Variants in GPR161 observed in about 807,000 individuals in gnomAD.
GPR161 encodes the protein G-protein coupled receptor RE2.
A neutral mutation model predicts 39.2 loss-of-function variants in GPR161; 25 were observed. That is an observed-to-expected ratio of 0.64 (90% CI 0.47 to 0.89). The LOEUF (loss-of-function observed/expected upper bound fraction) is 0.89, where lower values mean the gene tolerates loss of function less well. GPR161 is among the 40% of genes least tolerant of loss of function. The probability of loss-of-function intolerance (pLI) is 0.00; values close to 1 mark genes in which losing one functional copy is unlikely to be tolerated. For synonymous variants in GPR161, 286 were observed against 276.6 expected, an observed-to-expected ratio of 1.03 and a Z score of -0.34; for missense variants, 547 against 677.8, an observed-to-expected ratio of 0.81 and a Z score of 2.14.
intron 1 of GPR161, among the ~76,000 whole-genome samples, chr1:168,135,772 G>A (rs1377606737): frequency 3.3e-5 from 5 of 152,190 alleles, no homozygotes; most frequent in African/African-American, 1.2e-4. Flanking sequence ...GGTTATCGGT[G>A]TCTCCATTGG....
chr1:168,116,936 C>G (rs1478213601), intron 1 of GPR161, among the ~76,000 whole-genome samples: 1 of 152,188 alleles, frequency 6.6e-6, no homozygotes, highest in Admixed American at 6.5e-5. Context: ...GTCAGAACCC[C>G]AGATGGCCTA....
At position 168,085,711 on chromosome 1, in the gene GPR161, A is replaced by G. The variant is rs148708325; in HGVS notation, c.1410T>C (p.Ile470=). 198 of 1,614,224 alleles carry G rather than the reference A, an allele frequency of 1.2e-4. 1 individual carries two copies. The highest frequency in any genetic ancestry group is 3.1e-4 in the South Asian group (28 of 91,092). Residue 470 remains isoleucine, a synonymous_variant, in exon 6 of 6, where the codon ATT becomes ATC. Transcript: ENST00000682931. ...ATAAGTTGATTTTGGCTTCGGCCTC[A>G]ATGGCTTTGGCCAAGCTTGCTGCGT... The part of the protein sequence containing the change: ...DSYAASLAKA[I]EAEAKINLFG...
intron 1 of GPR161, among the ~76,000 whole-genome samples, chr1:168,122,960 T>C (rs1698300628): frequency 6.6e-6 from 1 of 152,216 alleles, no homozygotes. Flanking sequence ...GCCTGGCACA[T>C]TGTAGATGTT....
rs768889642 is a variant in GPR161 at position 168,097,180 on chromosome 1, G to A, written c.427C>T (p.Arg143Trp). 1.1e-5 allele frequency: 18 copies of A among 1,613,680 alleles called. No individual in the cohort carries two copies. The highest frequency in any genetic ancestry group is 2.2e-5 in the South Asian group (2 of 91,050). Residue 143 changes from arginine to tryptophan, a missense_variant, in exon 3 of 6, where the codon CGG becomes TGG. Coordinates refer to ENST00000682931, the MANE Select transcript of GPR161 (RefSeq NM_001375883.1). ...ATGTAGACAAGTGCCATCACAGCCC[G>A]GTTCCCTGTGATCTTCATGGGGTAC... The part of the protein sequence containing the change: ...MVYPMKITGN[R>W]AVMALVYIWL...
chr1:168,110,480 CAG>C (rs1269259920), intron 1 of GPR161, among the ~76,000 whole-genome samples: 24 of 121,924 alleles, frequency 2.0e-4, no homozygotes, highest in African/African-American at 7.2e-4. Context: ...GCCTAGACGA[CAG>C]AGTGAGACCC....
At chr1:168,131,402 TG>T (rs777763176) in intron 1 of GPR161, among the ~76,000 whole-genome samples, 306 of 152,272 alleles carry the variant, frequency 2.0e-3, no homozygotes, top group Admixed American at 4.0e-3. Flanking sequence ...CTCAACTCTG[TG>T]GCTCTGTACA....
At chr1:168,100,894 C>T (rs1696032419) in intron 2 of GPR161, among the ~76,000 whole-genome samples, 1 of 152,194 alleles carries the variant, frequency 6.6e-6, no homozygotes, top group African/African-American at 2.4e-5. Flanking sequence ...ATAGAGGTGA[C>T]CACCATTACA....
chr1:168,127,533 C>A (rs1490121994), intron 1 of GPR161, among the ~76,000 whole-genome samples: 1 of 151,822 alleles, frequency 6.6e-6, no homozygotes, highest in Non-Finnish European at 1.5e-5. Context: ...CATTCAACTA[C>A]TGTATTAGTC....
intron 1 of GPR161, among the ~76,000 whole-genome samples, chr1:168,110,543 A>G (rs200876033): frequency 2.9e-4 from 3 of 10,268 alleles, no homozygotes; most frequent in African/African-American, 8.6e-4. Context: ...GAAAGGAAAG[A>G]AAAGAAAAGA....
chr1:168,127,999 T>G (rs1013376517), intron 1 of GPR161, among the ~76,000 whole-genome samples: 2 of 152,130 alleles, frequency 1.3e-5, no homozygotes, highest in African/African-American at 4.8e-5. Flanking sequence ...CTCCCAGAAC[T>G]GAGCTGCTGC....
At position 168,132,310 on chromosome 1, in the gene GPR161, G is replaced by A. The variant is rs566749526; in HGVS notation, c.-45+4429C>T. On this transcript the variant is annotated intron_variant, in intron 1 of 5. Transcript: ENST00000682931. ...ACTGATATGAAATGGTCTCCAAGCCGGGCGCTGTGGCTCTCGCCTGTAATC... is the reference window on the plus strand; with the variant it reads ...ACTGATATGAAATGGTCTCCAAGCCAGGCGCTGTGGCTCTCGCCTGTAATC... 8.6e-5 allele frequency among the ~76,000 whole-genome samples: 13 copies of A among 151,152 alleles called. No individual in the cohort carries two copies. In the South Asian group the frequency reaches 1.0e-3, roughly 12 times the overall value.
chr1:168,128,302 T>C (rs1197765628), intron 1 of GPR161, among the ~76,000 whole-genome samples: 1 of 152,192 alleles, frequency 6.6e-6, no homozygotes, highest in African/African-American at 2.4e-5. Flanking sequence ...ACATCACTGA[T>C]TCTCAATCCC....
chr1:168,115,254 A>C (rs1697527052), intron 1 of GPR161, among the ~76,000 whole-genome samples: 1 of 152,064 alleles, frequency 6.6e-6, no homozygotes, highest in Admixed American at 6.5e-5. Context: ...TCCTTCCCTC[A>C]CACTAATTTT....
chr1:168,124,097 G>A (rs915565390), intron 1 of GPR161, among the ~76,000 whole-genome samples: 1 of 152,174 alleles, frequency 6.6e-6, no homozygotes, highest in Non-Finnish European at 1.5e-5. Context: ...GTGCCACCAC[G>A]TCTTCATCTG....
intron 1 of GPR161, among the ~76,000 whole-genome samples, chr1:168,123,457 C>T (rs1474839560): frequency 6.6e-6 from 1 of 151,416 alleles, no homozygotes; most frequent in Non-Finnish European, 1.5e-5. Flanking sequence ...GACCCTGTCT[C>T]AAAAAATTAT....
chr1:168,123,664 A>T (rs1455457280), intron 1 of GPR161, among the ~76,000 whole-genome samples: 2 of 152,180 alleles, frequency 1.3e-5, no homozygotes, highest in East Asian at 3.9e-4. Flanking sequence ...AAAGGGACAG[A>T]CTCAGCTGTG....
intron 2 of GPR161, among the ~76,000 whole-genome samples, chr1:168,103,875 C>T (rs528814677): frequency 1.3e-5 from 2 of 152,350 alleles, no homozygotes; most frequent in Admixed American, 1.3e-4. Flanking sequence ...TAATGCGGGA[C>T]CCTGAAGAAC....
chr1:168,137,164 C>G (rs1390476695), upstream of GPR161: 3 of 1,330,488 alleles, frequency 2.3e-6, no homozygotes, highest in Middle Eastern at 2.3e-4. Flanking sequence ...CTCGCCCTTA[C>G]CCTCTCGGCT....
At chr1:168,117,398 C>T (rs1168018132) in intron 1 of GPR161, among the ~76,000 whole-genome samples, 1 of 152,120 alleles carries the variant, frequency 6.6e-6, no homozygotes, top group African/African-American at 2.4e-5. Flanking sequence ...AAAGAGGCAG[C>T]ATGACATAAT....
Sources: gnomAD v4.1 joint callset for allele counts (sites outside exome capture counted in the v4.1 genomes callset) on GRCh38, gnomAD v4.1.1 for gene constraint, MANE v1.5 for transcripts, NCBI Gene and HGNC (gene_info 2026-07-23, HGNC 2026-07-21) for gene names.